TSPAN3: variants seen among roughly 807,000 people sequenced by gnomAD.
TSPAN3 encodes tetraspanin 3.
In TSPAN3, 9 loss-of-function variants were observed where a neutral mutation model predicts 31.1. The observed-to-expected ratio is 0.29, with a 90% CI of 0.17 to 0.50. The LOEUF (loss-of-function observed/expected upper bound fraction) is 0.50, where lower values mean the gene tolerates loss of function less well. Among genes scored for constraint, TSPAN3 ranks in the 20% least tolerant of loss-of-function variants. TSPAN3 has a pLI of 0.98. For missense variants in TSPAN3, 252 were observed against 313.5 expected, an observed-to-expected ratio of 0.80 and a Z score of 1.48; for synonymous variants, 129 against 114.3, an observed-to-expected ratio of 1.13 and a Z score of -0.82.
At chr15:77,059,904 G>A (rs1199076057) in intron 1 of TSPAN3, among the ~76,000 whole-genome samples, 2 of 152,134 alleles carry the variant, frequency 1.3e-5, no homozygotes, top group South Asian at 2.1e-4. Flanking sequence ...TTGGAGGTGG[G>A]CCAAGGGAAA....
At chr15:77,049,288 G>A (rs1222636176) in intron 6 of TSPAN3, among the ~76,000 whole-genome samples, 1 of 152,136 alleles carries the variant, frequency 6.6e-6, no homozygotes, top group Admixed American at 6.5e-5. Context: ...TTCACATGCG[G>A]CACAGAGACC....
At chr15:77,061,180 A>T (rs1406396668) in intron 1 of TSPAN3, among the ~76,000 whole-genome samples, 2 of 152,096 alleles carry the variant, frequency 1.3e-5, no homozygotes, top group African/African-American at 4.8e-5. Flanking sequence ...CTTAGAAACT[A>T]GTTTTTGGGG....
intron 1 of TSPAN3, 121 bp from the exon 2 acceptor site, chr15:77,056,376 G>A (rs947795283): frequency 5.6e-5 from 39 of 696,780 alleles, no homozygotes; most frequent in Admixed American, 1.0e-4. Context: ...TTTCAGTAAA[G>A]CTGAAAATTC....
chr15:77,061,311 T>C (rs1375868248), intron 1 of TSPAN3, among the ~76,000 whole-genome samples: 1 of 152,182 alleles, frequency 6.6e-6, no homozygotes, highest in Non-Finnish European at 1.5e-5. Flanking sequence ...GCAGATCATC[T>C]GAGGTCATGA....
chr15:77,053,548 C>G (rs929236976), intron 4 of TSPAN3, among the ~76,000 whole-genome samples: 1 of 138,398 alleles, frequency 7.2e-6, no homozygotes, highest in African/African-American at 2.7e-5. Flanking sequence ...GGAAAATCTT[C>G]ATGTCTTACA....
chr15:77,061,609 A>C (rs1159935364), intron 1 of TSPAN3, among the ~76,000 whole-genome samples: 1 of 152,202 alleles, frequency 6.6e-6, no homozygotes, highest in African/African-American at 2.4e-5. Flanking sequence ...CTGCCATTGG[A>C]ATGTGGCAAT....
rs1263311674 is a variant in TSPAN3 at position 77,045,280 on chromosome 15, A to C, written c.*1555T>G. ...CGAATTCCACCACTGTCCTGCCTCCAAACAGCCAGAATCCACCGCTCACCA... is the reference window on the plus strand; with the variant it reads ...CGAATTCCACCACTGTCCTGCCTCCCAACAGCCAGAATCCACCGCTCACCA... On this transcript the variant is annotated 3_prime_UTR_variant, in exon 7 of 7. Transcript: ENST00000267970. 2.6e-5 allele frequency: 4 copies of C among 152,752 alleles called. No individual in the cohort carries two copies. Among genetic ancestry groups the C allele is most frequent in the African/African-American group, 9.7e-5 (4 of 41,426 alleles). 9.5% of individuals were successfully genotyped at this position (152,752 alleles called of 1,614,324 possible).
chr15:77,050,124 CT>C (rs2076720950), intron 6 of TSPAN3, among the ~76,000 whole-genome samples: 1 of 152,212 alleles, frequency 6.6e-6, no homozygotes, highest in South Asian at 2.1e-4. Context: ...CAAAAGCTCA[CT>C]GATCTTTCAG....
At chr15:77,058,913 G>A (rs907591443) in intron 1 of TSPAN3, among the ~76,000 whole-genome samples, 6 of 152,052 alleles carry the variant, frequency 3.9e-5, no homozygotes, top group East Asian at 1.9e-4. Context: ...TTAATATATC[G>A]TAAATATGTC....
chr15:77,064,476 T>C (rs549642552), intron 1 of TSPAN3: 1 of 152,274 alleles, frequency 6.6e-6, no homozygotes, highest in South Asian at 2.1e-4. Context: ...TCTTATGGAA[T>C]AAAATTCATT....
intron 1 of TSPAN3, among the ~76,000 whole-genome samples, chr15:77,069,294 T>C (rs1379357983): frequency 1.3e-5 from 2 of 152,192 alleles, no homozygotes; most frequent in Non-Finnish European, 2.9e-5. Flanking sequence ...AGTAGGTATA[T>C]AGATACGTAT....
chr15:77,068,617 G>C (rs575653369), intron 1 of TSPAN3, among the ~76,000 whole-genome samples: 1 of 152,242 alleles, frequency 6.6e-6, no homozygotes, highest in Non-Finnish European at 1.5e-5. Flanking sequence ...TTACCTCTTA[G>C]GTAGCTTACT....
chr15:77,063,873 A>G (rs1246792473), intron 1 of TSPAN3: 1 of 152,200 alleles, frequency 6.6e-6, no homozygotes, highest in African/African-American at 2.4e-5. Context: ...GAGAAGCCTG[A>G]AATTTAAATA....
intron 6 of TSPAN3, among the ~76,000 whole-genome samples, chr15:77,051,442 C>CA (rs1387419623): frequency 6.6e-6 from 1 of 151,480 alleles, no homozygotes; most frequent in African/African-American, 2.4e-5. Context: ...GCAGAAGAAT[C>CA]ACTGGAACCT....
intron 6 of TSPAN3, among the ~76,000 whole-genome samples, chr15:77,048,099 C>T (rs2152694963): frequency 6.6e-6 from 1 of 151,932 alleles, no homozygotes; most frequent in South Asian, 2.1e-4. Flanking sequence ...ACCACTTGCA[C>T]CATTTGCACC....
rs2076767966 is a variant in TSPAN3, at chr15:77,056,187, G to A, written c.132C>T (p.Phe44=). ...GGATGAGCGTGTACACATCTTCAAA[G>A]AAGTGGTCATAGTCATCATAAGTGA... The part of the protein sequence containing the change: ...VFITYDDYDH[F]FEDVYTLIPA... The change falls in exon 2 of 7, where the codon TTC becomes TTT. Residue 44 remains phenylalanine, a synonymous_variant. Coordinates refer to ENST00000267970, the MANE Select transcript of TSPAN3 (RefSeq NM_005724.6). 1.9e-6 allele frequency: 3 copies of A among 1,613,850 alleles called. No homozygotes were observed. The highest frequency in any genetic ancestry group is 2.5e-6 in the Non-Finnish European group (3 of 1,179,980).
chr15:77,046,724 C>G lies in TSPAN3; in HGVS notation c.*111G>C. The G allele has an allele frequency of 1.3e-6, 1 of 754,576 alleles. No individual in the cohort carries two copies. Among genetic ancestry groups the G allele is most frequent in the South Asian group, 1.7e-5 (1 of 58,828 alleles). The allele number at this position is 754,576 out of a possible 1,614,324, so 46.7% of individuals were successfully genotyped here. A position where few individuals can be genotyped will look rare whatever the true frequency, so the allele number is the denominator to read the frequency against. ...AAAGCCAAGCTGCTCTGTCCAACAC[C>G]AGTGTACATGTGCTTTAACTAAATG... is the stretch of plus-strand genomic sequence containing the variant. On this transcript the variant is annotated 3_prime_UTR_variant, in exon 7 of 7. Coordinates refer to ENST00000267970, the MANE Select transcript of TSPAN3 (RefSeq NM_005724.6).
In TSPAN3 at chr15:77,046,924, G is replaced by C. The variant is rs1187168540; in HGVS notation, c.673C>G (p.Leu225Val). The C allele has an allele frequency of 1.9e-6, 3 of 1,575,066 alleles. No individual in the cohort carries two copies. Among genetic ancestry groups the C allele is most frequent in the Non-Finnish European group, 2.6e-6 (3 of 1,157,396 alleles). Residue 225 changes from leucine to valine, a missense_variant, in exon 7 of 7, where the codon CTG (leucine) becomes GTG (valine). By Grantham distance (32) the Leu-to-Val change is conservative (BLOSUM62 1). Transcript: ENST00000267970. ...ACGATGCAAGCACACAGCATGCCCA[G>C]CAGCTGTTGAAAGAAAACAACAATG... is the stretch of plus-strand genomic sequence containing the variant. ...AALAFAAIQLLGMLCACIVLC... is the reference protein window; with the variant it reads ...AALAFAAIQLVGMLCACIVLC...
chr15:77,052,787 A>T lies in TSPAN3; in HGVS notation c.575T>A (p.Leu192His), dbSNP rs369051123. The change falls in exon 5 of 7, where the codon CTC becomes CAC. Residue 192 changes from leucine (L) to histidine (H), a missense_variant. Physicochemically the swap from Leu to His is moderately conservative, Grantham distance 99 (BLOSUM62 -3). Transcript: ENST00000267970. Reference sequence around the variant, plus strand: ...GGCCAAGAGACTCACCTCAGCATAGAGGTCGGAAGGGTGGGCCAGGCTGCC... The same window carrying T: ...GGCCAAGAGACTCACCTCAGCATAGTGGTCGGAAGGGTGGGCCAGGCTGCC... ...CNGSLAHPSD[L>H]YAEGCEALVV... 1 of 1,613,816 alleles carries T rather than the reference A, an allele frequency of 6.2e-7. No individual in the cohort carries two copies. Among genetic ancestry groups the T allele is most frequent in the African/African-American group, 1.3e-5 (1 of 74,894 alleles).
Sources: gnomAD v4.1 joint callset for allele counts (sites outside exome capture counted in the v4.1 genomes callset) on GRCh38, gnomAD v4.1.1 for gene constraint, MANE v1.5 for transcripts, NCBI Gene and HGNC (gene_info 2026-07-23, HGNC 2026-07-21) for gene names.